Variants in CLASP1 observed in about 807,000 individuals in gnomAD.
The protein encoded by CLASP1 is cytoplasmic linker associated protein 1, also known as CLIP-associating protein 1.
CLASP1 carries 38 observed loss-of-function variants against 192.3 expected under a neutral mutation model. The ratio of observed to expected loss-of-function variants is 0.20; its 90% CI spans 0.15 to 0.26. CLASP1 has a LOEUF of 0.26. Ranked by LOEUF, CLASP1 falls within the 10% of genes least tolerant of loss-of-function variation. The pLI is 1.00. For synonymous variants in CLASP1, 691 were observed against 712.8 expected (o/e 0.97, Z 0.49); for missense variants, 1,433 against 1,932.5 (o/e 0.74, Z 4.85).
chr2:121,571,954 T>C (rs144383590), intron 2 of CLASP1, among the ~76,000 whole-genome samples: 17 of 151,020 alleles, frequency 1.1e-4, no homozygotes, highest in African/African-American at 3.2e-4. Context: ...CTGTAAAAGA[T>C]GTAGTACTGA....
At chr2:121,644,516 T>C (rs996147950) in intron 1 of CLASP1, among the ~76,000 whole-genome samples, 4 of 152,098 alleles carry the variant, frequency 2.6e-5, no homozygotes, top group African/African-American at 7.2e-5. Flanking sequence ...TAGCCAGGCA[T>C]GTGCCACCAC....
chr2:121,469,163 C>T (rs376336084), intron 9 of CLASP1, among the ~76,000 whole-genome samples: 4 of 152,100 alleles, frequency 2.6e-5, no homozygotes, highest in African/African-American at 4.8e-5. Flanking sequence ...GAAGAGCCTG[C>T]GGTCCAGGTA....
intron 29 of CLASP1, among the ~76,000 whole-genome samples, chr2:121,398,033 T>TG (rs1222831209): frequency 6.6e-6 from 1 of 152,206 alleles, no homozygotes; most frequent in Non-Finnish European, 1.5e-5. Context: ...CAAATGCTGG[T>TG]GAGGATGCAG....
intron 22 of CLASP1, among the ~76,000 whole-genome samples, chr2:121,422,368 A>T (rs1337084533): frequency 6.6e-6 from 1 of 152,230 alleles, no homozygotes; most frequent in East Asian, 1.9e-4. Flanking sequence ...TATTTTAACC[A>T]GAAAACCTTA....
At chr2:121,384,214 G>A (rs938233188) in intron 32 of CLASP1, among the ~76,000 whole-genome samples, 1 of 149,818 alleles carries the variant, frequency 6.7e-6, no homozygotes, top group Non-Finnish European at 1.5e-5. Flanking sequence ...TTTAAGACAG[G>A]GTCTCATTCT....
chr2:121,564,950 G>A (rs1050700636), intron 2 of CLASP1, among the ~76,000 whole-genome samples: 85 of 152,240 alleles, frequency 5.6e-4, no homozygotes, highest in African/African-American at 2.0e-3. Flanking sequence ...GAATGCAGGT[G>A]GACAAGGGGA....
At chr2:121,506,727 G>GAA (rs1372460190) in intron 7 of CLASP1, among the ~76,000 whole-genome samples, 1 of 152,168 alleles carries the variant, frequency 6.6e-6, no homozygotes, top group Non-Finnish European at 1.5e-5. Context: ...TCAGAGCACT[G>GAA]AAAGCATGCC....
chr2:121,365,115 C>T, exon 36 of CLASP1: 1 of 1,613,970 alleles, frequency 6.2e-7, no homozygotes, highest in East Asian at 2.2e-5. Context: ...CAAGGGTCTC[C>T]AGCAGCAGGA....
chr2:121,610,059 G>A (rs2065011116), intron 1 of CLASP1, among the ~76,000 whole-genome samples: 1 of 152,112 alleles, frequency 6.6e-6, no homozygotes, highest in South Asian at 2.1e-4. Context: ...CTTCTAGGAA[G>A]GTTTTTCTAA....
At chr2:121,410,967 G>C (rs1256587897) in exon 24 of CLASP1, 1 of 1,587,824 alleles carries the variant, frequency 6.3e-7, no homozygotes, top group Non-Finnish European at 8.6e-7. Context: ...AGCCCAAACC[G>C]ATCTATTTAA....
intron 15 of CLASP1, 144 bp from the exon 16 acceptor site, chr2:121,451,134 C>A: frequency 1.6e-6 from 1 of 611,660 alleles, no homozygotes; most frequent in South Asian, 2.1e-5. Flanking sequence ...CGTGGCTGGG[C>A]AAAGCACGGC....
In CLASP1 at chr2:121,403,656, T is replaced by C. The variant is rs959734326; in HGVS notation, c.2733+715A>G. 14 of 443,354 alleles carry C rather than the reference T, an allele frequency of 3.2e-5. No homozygotes were observed. The East Asian group carries it at 6.3e-4, about 20-fold the overall frequency. 27.5% of individuals were successfully genotyped at this position (443,354 alleles called of 1,614,324 possible). On this transcript the variant is annotated intron_variant, in intron 26 of 39. Transcript: ENST00000263710. ...TCTCTAAGGGCCTTCTCCCTAACAA[T>C]AGTATTTAAAATCTAGACTCCAAGT...
chr2:121,550,412 A>C (rs1469164353), intron 2 of CLASP1, among the ~76,000 whole-genome samples: 1 of 152,154 alleles, frequency 6.6e-6, no homozygotes, highest in Non-Finnish European at 1.5e-5. Context: ...AAATGAAGGA[A>C]ATCGAGACAT....
At chr2:121,348,803 A>G in intron 37 of CLASP1, 85 bp from the exon 39 acceptor site, 3 of 1,227,274 alleles carry the variant, frequency 2.4e-6, no homozygotes, top group Non-Finnish European at 2.2e-6. Flanking sequence ...TTCAGAGGCC[A>G]AAGGACAATG....
intron 34 of CLASP1, among the ~76,000 whole-genome samples, chr2:121,375,361 ATTTT>A (rs34714381): frequency 1.7e-5 from 2 of 116,986 alleles, no homozygotes; most frequent in Non-Finnish European, 1.8e-5. Flanking sequence ...CTAGTTTCTG[ATTTT>A]TTTTTTTTTT....
At chr2:121,451,054 G>T in intron 15 of CLASP1, 64 bp from the exon 16 acceptor site, 1 of 1,116,590 alleles carries the variant, frequency 9.0e-7, no homozygotes, top group Non-Finnish European at 1.3e-6. Context: ...AGTGAAACCA[G>T]GTGGGAGAAA....
chr2:121,448,215 C>T (rs1044136950), intron 18 of CLASP1, 61 bp downstream of exon 18: 57 of 1,443,978 alleles, frequency 3.9e-5, no homozygotes, highest in Non-Finnish European at 5.3e-5. Flanking sequence ...CAGCCTCTTG[C>T]AGCTGCACGT....
intron 32 of CLASP1, among the ~76,000 whole-genome samples, chr2:121,384,787 A>G (rs2072810978): frequency 1.3e-5 from 2 of 152,198 alleles, no homozygotes; most frequent in Admixed American, 1.3e-4. Flanking sequence ...AGGCTGAGGC[A>G]TAAGAATCAC....
At chr2:121,571,097 A>G (rs1196973293) in intron 2 of CLASP1, among the ~76,000 whole-genome samples, 3 of 151,994 alleles carry the variant, frequency 2.0e-5, no homozygotes, top group Admixed American at 6.6e-5. Context: ...TAAGCAAAAA[A>G]CACAAAAGGC....
Sources: gnomAD v4.1 joint callset for allele counts (sites outside exome capture counted in the v4.1 genomes callset) on GRCh38, gnomAD v4.1.1 for gene constraint, MANE v1.5 for transcripts, NCBI Gene and HGNC (gene_info 2026-07-23, HGNC 2026-07-21) for gene names.